Variants in FBXO25 observed in about 807,000 individuals in gnomAD.
The protein encoded by FBXO25 is F-box protein 25.
A neutral mutation model predicts 51.9 loss-of-function variants in FBXO25; 45 were observed. The observed-to-expected ratio is 0.87, with a 90% CI of 0.68 to 1.11. The LOEUF is 1.11. Ranked by LOEUF, FBXO25 falls within the 50% of genes most tolerant of loss-of-function variation. The pLI, the probability that FBXO25 is intolerant of heterozygous loss-of-function variation, is 0.00. For synonymous variants in FBXO25, 199 were observed against 151.0 expected (o/e 1.32, Z -2.33); for missense variants, 507 against 428.5 (o/e 1.18, Z -1.62).
chr8:422,478 C>T (rs1797216302), intron 2 of FBXO25, among the ~76,000 whole-genome samples: 1 of 152,074 alleles, frequency 6.6e-6, no homozygotes, highest in East Asian at 1.9e-4. Context: ...GGACTGGGCC[C>T]AGCAGCAGAC....
chr8:461,437 G>A (rs1360198434), intron 8 of FBXO25, among the ~76,000 whole-genome samples: 3 of 152,224 alleles, frequency 2.0e-5, no homozygotes, highest in Admixed American at 6.5e-5. Context: ...AGGCAAGAGA[G>A]CATGTGCAGG....
chr8:454,464 G>C (rs933056598), intron 7 of FBXO25, among the ~76,000 whole-genome samples: 1 of 152,220 alleles, frequency 6.6e-6, no homozygotes, highest in African/African-American at 2.4e-5. Flanking sequence ...GTAGCCTTTA[G>C]CATGGGGCCT....
intron 1 of FBXO25, among the ~76,000 whole-genome samples, chr8:407,842 C>T (rs1238280906): frequency 6.6e-6 from 1 of 152,024 alleles, no homozygotes; most frequent in African/African-American, 2.4e-5. Flanking sequence ...ATTTTGCATC[C>T]TTCCCCTCAC....
intron 2 of FBXO25, among the ~76,000 whole-genome samples, chr8:418,701 C>A (rs754733672): frequency 6.6e-6 from 1 of 152,076 alleles, no homozygotes; most frequent in Admixed American, 6.6e-5. Flanking sequence ...GTTTACACTT[C>A]TAAAAAACTA....
At chr8:457,573 C>T (rs1198055676) in intron 7 of FBXO25, among the ~76,000 whole-genome samples, 1 of 152,192 alleles carries the variant, frequency 6.6e-6, no homozygotes, top group Non-Finnish European at 1.5e-5. Context: ...TGAAAGGTTT[C>T]TGTAGTGCAG....
intron 7 of FBXO25, among the ~76,000 whole-genome samples, chr8:452,635 C>A (rs1257836871): frequency 6.6e-6 from 1 of 152,116 alleles, no homozygotes; most frequent in African/African-American, 2.4e-5. Context: ...TGGTCAGGAT[C>A]CCAAGGAAGG....
chr8:468,065 C>T (rs1261595977), intron 9 of FBXO25: 1 of 1,153,704 alleles, frequency 8.7e-7, no homozygotes, highest in Non-Finnish European at 1.1e-6. Flanking sequence ...AGCACTGACC[C>T]CAGAGCCTCT....
chr8:466,852 C>T (rs1563101972), intron 9 of FBXO25, among the ~76,000 whole-genome samples: 6 of 152,130 alleles, frequency 3.9e-5, no homozygotes, highest in Admixed American at 2.6e-4. Flanking sequence ...CTTCGATGGC[C>T]CTGCGAGGGT....
chr8:461,834 C>G (rs1799836490), intron 8 of FBXO25, among the ~76,000 whole-genome samples: 1 of 152,204 alleles, frequency 6.6e-6, no homozygotes, highest in South Asian at 2.1e-4. Context: ...TAAATCAGAG[C>G]TTCATTCAAG....
At chr8:451,060 C>G in intron 6 of FBXO25, 6 of 448,480 alleles carry the variant, frequency 1.3e-5, no homozygotes, top group Non-Finnish European at 1.9e-5. Context: ...GCTTATTTCA[C>G]TTTGCATAAT....
intron 5 of FBXO25, among the ~76,000 whole-genome samples, chr8:437,667 C>T (rs774680932): frequency 7.2e-5 from 11 of 152,202 alleles, no homozygotes; most frequent in Non-Finnish European, 1.3e-4. Context: ...CCTCCATGTC[C>T]CCATCCCAAT....
intron 2 of FBXO25, among the ~76,000 whole-genome samples, chr8:413,420 T>A (rs543953997): frequency 6.6e-6 from 1 of 152,270 alleles, no homozygotes; most frequent in African/African-American, 2.4e-5. Context: ...TTTTTTTTAA[T>A]TTAAAACATT....
At chr8:444,845 G>A (rs1798638178) in intron 5 of FBXO25, among the ~76,000 whole-genome samples, 1 of 152,176 alleles carries the variant, frequency 6.6e-6, no homozygotes. Context: ...TAGGTCTGTA[G>A]CCTAGCTGTG....
At chr8:426,328 A>AT (rs1797477276) in intron 2 of FBXO25, among the ~76,000 whole-genome samples, 1 of 152,062 alleles carries the variant, frequency 6.6e-6, no homozygotes, top group Admixed American at 6.6e-5. Context: ...TGTGGCTTAT[A>AT]TTTTTTCCCT....
At chr8:413,888 T>C (rs555387075) in intron 2 of FBXO25, among the ~76,000 whole-genome samples, 2 of 152,194 alleles carry the variant, frequency 1.3e-5, no homozygotes, top group Non-Finnish European at 2.9e-5. Context: ...AGAGACTGCA[T>C]GAGCACAGTA....
At chr8:448,409 A>T (rs1345213949) in intron 5 of FBXO25, among the ~76,000 whole-genome samples, 1 of 152,202 alleles carries the variant, frequency 6.6e-6, no homozygotes, top group East Asian at 1.9e-4. Context: ...GGTGGCTTCA[A>T]ATTTCTCCAA....
chr8:448,631 G>T (rs534662623), intron 5 of FBXO25, among the ~76,000 whole-genome samples: 46 of 152,360 alleles, frequency 3.0e-4, no homozygotes, highest in African/African-American at 7.9e-4. Context: ...GTGAATCTCT[G>T]CAGCATCAGC....
At chr8:413,690 A>T (rs1417323745) in intron 2 of FBXO25, among the ~76,000 whole-genome samples, 3 of 152,220 alleles carry the variant, frequency 2.0e-5, no homozygotes, top group Non-Finnish European at 2.9e-5. Context: ...TGCATGGTCC[A>T]AAACGGTGTA....
intron 9 of FBXO25, among the ~76,000 whole-genome samples, chr8:463,744 C>A (rs1799966162): frequency 6.6e-6 from 1 of 152,104 alleles, no homozygotes; most frequent in Admixed American, 6.5e-5. Context: ...ACTTCCTGTT[C>A]TCACCATCCA....
Sources: gnomAD v4.1 joint callset for allele counts (sites outside exome capture counted in the v4.1 genomes callset) on GRCh38, gnomAD v4.1.1 for gene constraint, MANE v1.5 for transcripts, NCBI Gene and HGNC (gene_info 2026-07-23, HGNC 2026-07-21) for gene names.